DSP: variants seen among roughly 807,000 people sequenced by gnomAD.
DSP encodes the protein 250/210 kDa paraneoplastic pemphigus antigen.
Under a neutral mutation model 290.6 loss-of-function variants are expected in DSP, and 114 were observed. The ratio of observed to expected loss-of-function variants is 0.39; its 90% CI spans 0.34 to 0.46. The LOEUF is 0.46. Among genes scored for constraint, DSP ranks in the 20% least tolerant of loss-of-function variants. The pLI, the probability that DSP is intolerant of heterozygous loss-of-function variation, is 0.99. For missense variants in DSP, 3,230 were observed against 3,495.8 expected, an observed-to-expected ratio of 0.92 and a Z score of 1.92; for synonymous variants, 1,311 against 1,316.4, an observed-to-expected ratio of 1.00 and a Z score of 0.09.
intron 4 of DSP, among the ~76,000 whole-genome samples, chr6:7,562,090 G>A (rs1359775801): frequency 6.6e-6 from 1 of 152,164 alleles, no homozygotes; most frequent in Non-Finnish European, 1.5e-5. Context: ...ACTTCCCTTT[G>A]AAGTGGCCCA....
At chr6:7,577,922 C>A in intron 21 of DSP, 36 bp downstream of exon 21, 1 of 1,522,788 alleles carries the variant, frequency 6.6e-7, no homozygotes, top group Non-Finnish European at 9.1e-7. Flanking sequence ...AAAACCTGCC[C>A]CTCCTTCTGC....
At chr6:7,574,581 A>G in intron 16 of DSP, 76 bp from the exon 17 acceptor site, 7 of 1,594,586 alleles carry the variant, frequency 4.4e-6, no homozygotes, top group Non-Finnish European at 6.0e-6. Context: ...CCCTTTCATT[A>G]CTAGCTGTGA....
intron 1 of DSP, among the ~76,000 whole-genome samples, chr6:7,546,830 G>A (rs746521517): frequency 1.3e-5 from 2 of 152,166 alleles, no homozygotes; most frequent in African/African-American, 2.4e-5. Flanking sequence ...CCAACTAATT[G>A]TTAGTCAGAT....
intron 1 of DSP, among the ~76,000 whole-genome samples, chr6:7,555,029 G>A (rs1156574282): frequency 6.6e-6 from 1 of 152,130 alleles, no homozygotes; most frequent in Non-Finnish European, 1.5e-5. Flanking sequence ...AAATCTTCAT[G>A]CTCTGTGTCT....
chr6:7,561,557 G>A (rs892539146), intron 4 of DSP, among the ~76,000 whole-genome samples: 4 of 152,136 alleles, frequency 2.6e-5, no homozygotes, highest in African/African-American at 9.7e-5. Context: ...CGATGGACAG[G>A]TCAGATACGA....
Position 7,568,456 on chromosome 6 carries a change from T to C in DSP, c.1286T>C (p.Leu429Pro), listed in dbSNP as rs185290295. 1 of 1,614,136 alleles carries C rather than the reference T, an allele frequency of 6.2e-7. No individual in the cohort carries two copies. The highest frequency in any genetic ancestry group is 8.5e-7 in the Non-Finnish European group (1 of 1,180,026). The change falls in exon 11 of 24, where the codon CTT becomes CCT. Residue 429 changes from leucine (L) to proline (P), a missense_variant. Physicochemically the swap from Leu to Pro is moderately conservative, Grantham distance 98 (BLOSUM62 -3). Transcript: ENST00000379802. Reference protein sequence around the residue: ...KELEKEREKILEYKRQVQNLV... With the variant: ...KELEKEREKIPEYKRQVQNLV... ...TTGCAGAAAGAACGAGAGAAAATCC[T>C]TGAATACAAGCGTCAGGTGCAGAAC...
chr6:7,558,842 A>G (rs1758583929), intron 3 of DSP, among the ~76,000 whole-genome samples: 1 of 152,134 alleles, frequency 6.6e-6, no homozygotes, highest in Admixed American at 6.5e-5. Context: ...TTTAATAAAT[A>G]TAAAAATGAG....
At chr6:7,568,302 A>AGAGG in intron 10 of DSP, 135 bp from the exon 11 acceptor site, 1 of 1,009,772 alleles carries the variant, frequency 9.9e-7, no homozygotes, top group Non-Finnish European at 1.5e-6. Context: ...CTGCCGACGA[A>AGAGG]TTTGTGATTT....
chr6:7,571,760 G>A, intron 14 of DSP, 82 bp from the exon 15 acceptor site: 1 of 1,516,198 alleles, frequency 6.6e-7, no homozygotes, highest in Non-Finnish European at 9.1e-7. Flanking sequence ...TATACTTTTA[G>A]GTAGTATGGA....
Position 7,580,864 on chromosome 6 carries a change from G to A in DSP, c.4674G>A (p.Arg1558=), listed in dbSNP as rs770154228. ...ERTVKDQDIT[R]FQNSLKELQL... is the part of the protein sequence containing the mutation. ...CTGTGAAGGACCAGGATATCACGCGGTTCCAGAACTCTCTGAAAGAGCTGC... is the reference window on the plus strand; with the variant it reads ...CTGTGAAGGACCAGGATATCACGCGATTCCAGAACTCTCTGAAAGAGCTGC... Residue 1558 remains arginine (R), a synonymous_variant, in exon 23 of 24, where the codon CGG becomes CGA. Coordinates refer to ENST00000379802, the MANE Select transcript of DSP (RefSeq NM_004415.4). This position sits in a 1 kb window ranked among gnomAD's most constrained non-coding sequence, Gnocchi z 4.2. The A allele has an allele frequency of 6.2e-7, 1 of 1,614,160 alleles. No individual in the cohort carries two copies. The highest frequency in any genetic ancestry group is 1.1e-5 in the South Asian group (1 of 91,086).
intron 1 of DSP, among the ~76,000 whole-genome samples, chr6:7,550,969 TAA>T (rs1002995660): frequency 8.5e-5 from 13 of 152,102 alleles, no homozygotes; most frequent in African/African-American, 2.9e-4. Context: ...GGTAGGGATT[TAA>T]AAAAATGTGT....
intron 1 of DSP, among the ~76,000 whole-genome samples, chr6:7,555,440 G>A (rs1758479135): frequency 6.6e-6 from 1 of 152,092 alleles, no homozygotes; most frequent in South Asian, 2.1e-4. Flanking sequence ...TGTATACATA[G>A]ATAAATATAT....
intron 2 of DSP, among the ~76,000 whole-genome samples, chr6:7,557,382 T>A (rs1391880319): frequency 6.6e-6 from 1 of 152,184 alleles, no homozygotes; most frequent in Non-Finnish European, 1.5e-5. Flanking sequence ...GCCTTCTTTT[T>A]AAGAACTAAA....
At chr6:7,570,353 A>AG in intron 12 of DSP, 84 bp from the exon 13 acceptor site, 1 of 1,602,340 alleles carries the variant, frequency 6.2e-7, no homozygotes, top group Non-Finnish European at 8.5e-7. Flanking sequence ...GTTTTTGTGC[A>AG]GTGGTGTGAG....
rs1351282651 is a variant in DSP at position 7,566,451 on chromosome 6, C to T, written c.1014C>T (p.Leu338=). The T allele has an allele frequency of 6.2e-7, 1 of 1,613,800 alleles. No individual in the cohort carries two copies. Among genetic ancestry groups the T allele is most frequent in the Non-Finnish European group, 8.5e-7 (1 of 1,179,982 alleles). Residue 338 remains leucine, a synonymous_variant, in exon 8 of 24, where the codon CTC becomes CTT. Coordinates refer to ENST00000379802, the MANE Select transcript of DSP (RefSeq NM_004415.4). ...KLKQESDQLV[L]NQHPASDKIE... The stretch of plus-strand genomic sequence containing the variant: ...AACAAGAAAGTGACCAACTTGTCCT[C>T]AATCAGCATCCAGCTTCAGACAAAA...
intron 1 of DSP, among the ~76,000 whole-genome samples, chr6:7,552,145 T>G (rs1400914490): frequency 6.6e-6 from 1 of 152,192 alleles, no homozygotes. Context: ...ACACTTAAGC[T>G]TTTTATTTTT....
chr6:7,544,397 CTGCTAAGTGAATGA>C (rs1477648905), intron 1 of DSP, among the ~76,000 whole-genome samples: 1 of 152,124 alleles, frequency 6.6e-6, no homozygotes, highest in Non-Finnish European at 1.5e-5. Flanking sequence ...CCACTGCTCT[CTGCTAAGTGAATGA>C]TGATTAAGAA....
chr6:7,579,395 T>C lies in DSP; in HGVS notation c.3205T>C (p.Cys1069Arg). The C allele has an allele frequency of 1.9e-6, 3 of 1,613,574 alleles. No homozygotes were observed. The South Asian group carries it at 3.3e-5, about 18-fold the overall frequency. Residue 1069 changes from cysteine (C) to arginine (R), a missense_variant, in exon 23 of 24, where the codon TGT (cysteine) becomes CGT (arginine). By Grantham distance (180) the Cys-to-Arg change is radical. Transcript: ENST00000379802. This position sits in a 1 kb window ranked among gnomAD's most constrained non-coding sequence, Gnocchi z 4.1. ...GAACCTGCAGAAATACCAGGCAGAG[T>C]GTTCCCAGTTCAAAGCGAAGCTTGC... is the stretch of plus-strand genomic sequence containing the variant. ...DQNLQKYQAE[C>R]SQFKAKLASL... is the part of the protein sequence containing the mutation.
intron 18 of DSP, 131 bp from the exon 19 acceptor site, chr6:7,576,163 A>G (rs1759233911): frequency 9.7e-7 from 1 of 1,032,558 alleles, no homozygotes; most frequent in African/African-American, 1.6e-5. Context: ...ATGAACATTC[A>G]TGTATAAGTT....
Sources: allele counts gnomAD v4.1 joint callset (sites outside exome capture counted in the v4.1 genomes callset), GRCh38; gene constraint gnomAD v4.1.1; non-coding constraint Gnocchi (gnomAD v3.1); transcripts MANE v1.5; gene names NCBI Gene and HGNC (gene_info 2026-07-23, HGNC 2026-07-21).